LINGO2: variants seen among roughly 807,000 people sequenced by gnomAD.
LINGO2 encodes leucine rich repeat and Ig domain containing 2.
In LINGO2, 14 loss-of-function variants were observed where a neutral mutation model predicts 30.6. The ratio of observed to expected loss-of-function variants is 0.46; its 90% CI spans 0.30 to 0.72. The LOEUF (loss-of-function observed/expected upper bound fraction) is 0.72. LINGO2 is among the 30% of genes least tolerant of loss of function. LINGO2 has a pLI of 0.07. For synonymous variants in LINGO2, 317 were observed against 288.5 expected (o/e 1.10, Z -1.00); for missense variants, 729 against 751.7 (o/e 0.97, Z 0.35).
intron 3 of LINGO2, among the ~76,000 whole-genome samples, chr9:28,304,972 G>A (rs1824289444): frequency 6.6e-6 from 1 of 151,972 alleles, no homozygotes; most frequent in Admixed American, 6.6e-5. Flanking sequence ...ACTTATCAAT[G>A]TTCTAGGAAG....
the LINGO2 span, among the ~76,000 whole-genome samples, chr9:28,958,155 G>T: frequency 6.6e-6 from 1 of 152,056 alleles, no homozygotes; most frequent in East Asian, 1.9e-4. Context: ...TAAGACTCAT[G>T]TCATAGACTA....
the LINGO2 span, among the ~76,000 whole-genome samples, chr9:29,153,989 T>C: frequency 6.6e-6 from 1 of 152,148 alleles, no homozygotes; most frequent in Non-Finnish European, 1.5e-5. Flanking sequence ...CACACTTCTA[T>C]TCAACTGATG....
chr9:28,851,260 T>A, the LINGO2 span, among the ~76,000 whole-genome samples: 1 of 152,074 alleles, frequency 6.6e-6, no homozygotes, highest in Non-Finnish European at 1.5e-5. Flanking sequence ...AGAAAGAAGA[T>A]GACCCATTTG....
intron 1 of LINGO2, among the ~76,000 whole-genome samples, chr9:28,549,426 T>C (rs939332496): frequency 5.9e-5 from 9 of 152,046 alleles, no homozygotes; most frequent in African/African-American, 1.7e-4. Context: ...GCAATAAACA[T>C]TGTGGTAGGG....
At chr9:28,524,958 G>T (rs146568416) in intron 1 of LINGO2, among the ~76,000 whole-genome samples, 29 of 151,818 alleles carry the variant, frequency 1.9e-4, no homozygotes, top group African/African-American at 6.5e-4. Flanking sequence ...TAGTCAATAA[G>T]AAAATACAAA....
At chr9:28,077,960 G>A (rs1825673342) in intron 4 of LINGO2, among the ~76,000 whole-genome samples, 1 of 149,268 alleles carries the variant, frequency 6.7e-6, no homozygotes, top group South Asian at 2.1e-4. Context: ...GTCAACTCTA[G>A]AGAATGATGT....
chr9:28,055,867 G>A (rs1824912805), intron 4 of LINGO2, among the ~76,000 whole-genome samples: 2 of 152,100 alleles, frequency 1.3e-5, no homozygotes, highest in Admixed American at 6.5e-5. Flanking sequence ...GGTTTCGAAG[G>A]AGGCATTTGG....
the LINGO2 span, among the ~76,000 whole-genome samples, chr9:29,198,925 A>G: frequency 6.6e-6 from 1 of 152,084 alleles, no homozygotes; most frequent in Non-Finnish European, 1.5e-5. Context: ...ATTCAGCCAA[A>G]TAGTCCCAGT....
At chr9:28,458,236 ATATTT>A (rs1236902744) in intron 2 of LINGO2, among the ~76,000 whole-genome samples, 5 of 152,180 alleles carry the variant, frequency 3.3e-5, no homozygotes, top group Non-Finnish European at 7.3e-5. Context: ...TTTTAAAATT[ATATTT>A]TCTTTTTACC....
chr9:28,122,065 T>G (rs183555988), intron 4 of LINGO2, among the ~76,000 whole-genome samples: 1 of 152,168 alleles, frequency 6.6e-6, no homozygotes, highest in Non-Finnish European at 1.5e-5. Flanking sequence ...ACTTAATTCC[T>G]GGTGTTCACA....
At chr9:28,056,617 T>A (rs1186722966) in intron 4 of LINGO2, among the ~76,000 whole-genome samples, 1 of 152,138 alleles carries the variant, frequency 6.6e-6, no homozygotes, top group East Asian at 1.9e-4. Flanking sequence ...TGGCAGGACC[T>A]AGCAAGAAAA....
chr9:29,184,254 A>G, the LINGO2 span, among the ~76,000 whole-genome samples: 1 of 152,100 alleles, frequency 6.6e-6, no homozygotes, highest in Non-Finnish European at 1.5e-5. Flanking sequence ...CTGTGTTTGC[A>G]ATTGGCTAAC....
chr9:29,033,430 A>T, the LINGO2 span, among the ~76,000 whole-genome samples: 1 of 148,118 alleles, frequency 6.8e-6, no homozygotes, highest in African/African-American at 2.4e-5. Flanking sequence ...GTACTATAAG[A>T]CCATTATTTT....
At chr9:28,563,291 T>C (rs1823200468) in intron 1 of LINGO2, among the ~76,000 whole-genome samples, 1 of 152,118 alleles carries the variant, frequency 6.6e-6, no homozygotes, top group African/African-American at 2.4e-5. Flanking sequence ...TTATACTATC[T>C]CCTCTCTGGG....
intron 1 of LINGO2, among the ~76,000 whole-genome samples, chr9:28,583,139 A>G (rs1013440393): frequency 6.6e-6 from 1 of 152,028 alleles, no homozygotes; most frequent in Non-Finnish European, 1.5e-5. Flanking sequence ...GAAAAGAGAT[A>G]TATAATTTTC....
chr9:28,784,042 C>T, the LINGO2 span, among the ~76,000 whole-genome samples: 1 of 152,216 alleles, frequency 6.6e-6, no homozygotes, highest in African/African-American at 2.4e-5. Context: ...CCATCTCATT[C>T]GGGTTTATAA....
Position 28,064,428 on chromosome 9 carries a change from C to T in LINGO2, c.-86-52023G>A, listed in dbSNP as rs115183758. ...ACGAAGCCAGGCAGGTCTGCATTGA[C>T]GAACCAGCTGGGCTTGTCTCGGTAT... On this transcript the variant is annotated intron_variant, in intron 4 of 5. Transcript: ENST00000379992. Among the ~76,000 whole-genome samples, 1,071 of 152,124 alleles carry T rather than the reference C, an allele frequency of 7.0e-3. 8 individuals are homozygous for T. Among genetic ancestry groups the T allele is most frequent in the African/African-American group, 0.024 (1,009 of 41,524 alleles).
the LINGO2 span, among the ~76,000 whole-genome samples, chr9:29,033,806 C>A: frequency 6.6e-6 from 1 of 151,924 alleles, no homozygotes; most frequent in African/African-American, 2.4e-5. Flanking sequence ...TTTGCCACTT[C>A]GCATGTCAGA....
chr9:29,099,338 C>T, the LINGO2 span, among the ~76,000 whole-genome samples: 35,741 of 151,732 alleles, frequency 0.24, 4,290 homozygotes, highest in East Asian at 0.4. Context: ...ACTTCTTGAG[C>T]GACATCCCAC....
Sources: allele counts gnomAD v4.1 joint callset (sites outside exome capture counted in the v4.1 genomes callset), GRCh38; gene constraint gnomAD v4.1.1; transcripts MANE v1.5; gene names NCBI Gene and HGNC (gene_info 2026-07-23, HGNC 2026-07-21).